Variants in CFAP69 observed in about 807,000 individuals in gnomAD.
CFAP69 encodes the protein cilia- and flagella-associated protein 69.
A neutral mutation model predicts 123.0 loss-of-function variants in CFAP69; 92 were observed. That is an observed-to-expected ratio of 0.75 (90% CI 0.63 to 0.89). CFAP69 has a LOEUF of 0.89. Ranked by LOEUF, CFAP69 falls within the 40% of genes least tolerant of loss-of-function variation. The pLI is 0.00. For synonymous variants in CFAP69, 380 were observed against 364.3 expected (o/e 1.04, Z -0.49); for missense variants, 1,067 against 1,096.9 (o/e 0.97, Z 0.39).
intron 12 of CFAP69, among the ~76,000 whole-genome samples, chr7:90,281,497 G>T (rs943304929): frequency 6.6e-6 from 1 of 152,122 alleles, no homozygotes; most frequent in Non-Finnish European, 1.5e-5. Context: ...CTTTATGAGA[G>T]ATGATACTGC....
At position 90,300,005 on chromosome 7, in the gene CFAP69, A is replaced by T. The variant is rs1447115270; in HGVS notation, c.1996A>T (p.Arg666Ter). 6.2e-7 allele frequency: 1 copy of T among 1,610,106 alleles called. No individual in the cohort carries two copies. Among genetic ancestry groups the T allele is most frequent in the Admixed American group, 1.7e-5 (1 of 59,314 alleles). The change falls in exon 17 of 23, where the codon AGA (arginine) becomes TGA (stop). Residue 666 changes from arginine (R) to a stop codon, truncating the protein, a stop_gained. Transcript: ENST00000389297. LOFTEE classifies it high-confidence loss of function. Reference protein sequence around the residue: ...TAASLLIKLWRKEEKELGVKR... With the variant: ...TAASLLIKLW The stretch of plus-strand genomic sequence containing the variant: ...TGCTAGTCTTTTAATTAAATTGTGG[A>T]GAAAGGAGGAAAAAGAACTAGGAGT...
chr7:90,317,890 A>G, the CFAP69 span: 1 of 152,306 alleles, frequency 6.6e-6, no homozygotes, highest in Middle Eastern at 3.4e-3. Context: ...AGGATACTTG[A>G]AACCAGTGTT....
At chr7:90,284,442 A>T (rs1388987778) in intron 13 of CFAP69, among the ~76,000 whole-genome samples, 1 of 152,174 alleles carries the variant, frequency 6.6e-6, no homozygotes, top group African/African-American at 2.4e-5. Flanking sequence ...TAAAATATAA[A>T]TGTTTATATA....
In CFAP69 at chr7:90,255,412, A is replaced by G. The variant is rs10480579; in HGVS notation, c.121-11A>G. The G allele has an allele frequency of 8.7e-5, 140 of 1,607,252 alleles. 1 individual carries two copies. In the African/African-American group the frequency reaches 1.8e-3, roughly 21 times the overall value. ...GATGATCTAGAATAGTAAGAGTTGT[A>G]TGTTTTTTAGGATGTTTTCAAGCCT... is the stretch of plus-strand genomic sequence containing the variant. On this transcript the variant is annotated splice_polypyrimidine_tract_variant and intron_variant, in intron 1 of 22. Transcript: ENST00000389297.
At chr7:90,297,243 G>T (rs752666728) in intron 15 of CFAP69, among the ~76,000 whole-genome samples, 1 of 152,178 alleles carries the variant, frequency 6.6e-6, no homozygotes, top group Non-Finnish European at 1.5e-5. Context: ...TCACTGGTCA[G>T]TTGTGCCTGA....
the CFAP69 span, chr7:90,317,468 G>A: frequency 1.4e-5 from 2 of 142,654 alleles, no homozygotes; most frequent in African/African-American, 5.0e-5. Flanking sequence ...CCCTTAATTG[G>A]CAAGATAAGA....
At chr7:90,291,838 A>G (rs1431802434) in intron 15 of CFAP69, among the ~76,000 whole-genome samples, 1 of 152,114 alleles carries the variant, frequency 6.6e-6, no homozygotes, top group Non-Finnish European at 1.5e-5. Flanking sequence ...AAAATTAATT[A>G]TTGATTAATA....
chr7:90,291,790 GT>G (rs1791240094), intron 15 of CFAP69, among the ~76,000 whole-genome samples: 1 of 152,108 alleles, frequency 6.6e-6, no homozygotes, highest in South Asian at 2.1e-4. Context: ...TAACTCTTGA[GT>G]TCTGACAGAA....
Position 90,245,419 on chromosome 7 carries a change from C to T in CFAP69, c.-6C>T. 1.2e-5 allele frequency: 19 copies of T among 1,542,928 alleles called. No homozygotes were observed. Among genetic ancestry groups the T allele is most frequent in the Non-Finnish European group, 1.6e-5 (18 of 1,146,280 alleles). ...CCCCCCACTCTCCACCCCGCCGCCA[C>T]CGGCCATGTGGACAGAGGAAGCCGG... On this transcript the variant is annotated 5_prime_UTR_variant, in exon 1 of 23. Coordinates refer to ENST00000389297, the MANE Select transcript of CFAP69 (RefSeq NM_001039706.3).
intron 6 of CFAP69, chr7:90,269,055 G>A (rs1208103615): frequency 6.6e-6 from 1 of 150,786 alleles, no homozygotes; most frequent in Admixed American, 6.6e-5. Context: ...AAGGAAAAAT[G>A]GGAACCAGAA....
chr7:90,250,051 A>C (rs1796776598), intron 1 of CFAP69, among the ~76,000 whole-genome samples: 1 of 152,108 alleles, frequency 6.6e-6, no homozygotes, highest in Non-Finnish European at 1.5e-5. Flanking sequence ...GGGTTTTTGC[A>C]AGAAATAACC....
At chr7:90,249,250 C>G (rs1008777243) in intron 1 of CFAP69, among the ~76,000 whole-genome samples, 10 of 152,158 alleles carry the variant, frequency 6.6e-5, no homozygotes, top group Non-Finnish European at 1.3e-4. Flanking sequence ...TCTTTGCTCT[C>G]TCTCTCTCTG....
At chr7:90,294,020 A>T (rs1195951883) in intron 15 of CFAP69, among the ~76,000 whole-genome samples, 1 of 152,160 alleles carries the variant, frequency 6.6e-6, no homozygotes, top group African/African-American at 2.4e-5. Context: ...TTTCCTAAAC[A>T]TCCCTCTTTT....
At chr7:90,259,665 AT>A (rs1584338665) in intron 3 of CFAP69, among the ~76,000 whole-genome samples, 1 of 151,892 alleles carries the variant, frequency 6.6e-6, no homozygotes, top group African/African-American at 2.4e-5. Flanking sequence ...TTAATTCTTT[AT>A]TTTTTTGTGG....
Position 90,299,988 on chromosome 7 carries a change from TTTTAA to T in CFAP69, c.1982_1986del (p.Leu661Ter). 1 of 1,611,044 alleles carries T rather than the reference TTTTAA, an allele frequency of 6.2e-7. No individual in the cohort carries two copies. Among genetic ancestry groups the T allele is most frequent in the Non-Finnish European group, 8.5e-7 (1 of 1,178,764 alleles). On this transcript the variant is annotated frameshift_variant, in exon 17 of 23. Transcript: ENST00000389297. ...AAGAAGGATCAGACAGCTGCTAGTC[TTTTAA>T]TTAAATTGTGGAGAAAGGAGGAAAA... is the stretch of plus-strand genomic sequence containing the variant.
intron 1 of CFAP69, among the ~76,000 whole-genome samples, chr7:90,250,225 AG>A (rs1404119972): frequency 1.1e-3 from 139 of 121,772 alleles, no homozygotes; most frequent in African/African-American, 4.2e-3. Flanking sequence ...AGAGAGAGAG[AG>A]AGAGAGAGAC....
At position 90,308,358 on chromosome 7, in the gene CFAP69, T is replaced by C. The variant is rs17866025; in HGVS notation, c.2550+504T>C. Reference sequence around the variant, plus strand: ...GCTACTTCAACTGTAAGCTAGAAACTAATCTAAAAAATGTATAGTGCTAAT... The same window carrying C: ...GCTACTTCAACTGTAAGCTAGAAACCAATCTAAAAAATGTATAGTGCTAAT... On this transcript the variant is annotated intron_variant, in intron 21 of 22. Coordinates refer to ENST00000389297, the MANE Select transcript of CFAP69 (RefSeq NM_001039706.3). Among the ~76,000 whole-genome samples the C allele has an allele frequency of 9.0e-3, 1,367 of 152,294 alleles. 22 individuals are homozygous for C. Among genetic ancestry groups the C allele is most frequent in the African/African-American group, 0.03 (1,246 of 41,574 alleles).
chr7:90,288,967 A>G (rs1037115000), intron 15 of CFAP69, among the ~76,000 whole-genome samples: 1 of 151,900 alleles, frequency 6.6e-6, no homozygotes, highest in African/African-American at 2.4e-5. Flanking sequence ...ATACAAATAC[A>G]TTGTATAGCC....
intron 4 of CFAP69, among the ~76,000 whole-genome samples, chr7:90,264,219 T>C (rs1054946970): frequency 6.1e-5 from 9 of 148,540 alleles, no homozygotes; most frequent in Non-Finnish European, 1.0e-4. Context: ...AATTTTGAAC[T>C]CATGAAATGT....
Sources: allele counts gnomAD v4.1 joint callset (sites outside exome capture counted in the v4.1 genomes callset), GRCh38; gene constraint gnomAD v4.1.1; transcripts MANE v1.5; gene names NCBI Gene and HGNC (gene_info 2026-07-23, HGNC 2026-07-21).